The following MCC variants were observed in gnomAD, a reference collection of about 807,000 sequenced individuals.
MCC encodes the protein MCC regulator of Wnt signaling pathway.
A neutral mutation model predicts 116.2 loss-of-function variants in MCC; 90 were observed. The observed-to-expected ratio is 0.77, with a 90% confidence interval of 0.65 to 0.92. The LOEUF (loss-of-function observed/expected upper bound fraction) is 0.92, where lower values mean the gene tolerates loss of function less well. Ranked by LOEUF, MCC falls within the 40% of genes least tolerant of loss-of-function variation. MCC has a pLI of 0.00. For missense variants in MCC, 1,516 were observed against 1,312.2 expected, an observed-to-expected ratio of 1.16 and a Z score of -2.40; for synonymous variants, 578 against 510.5, an observed-to-expected ratio of 1.13 and a Z score of -1.78.
intron 5 of MCC, among the ~76,000 whole-genome samples, chr5:113,130,152 T>G (rs13190424): frequency 0.44 from 67,290 of 152,034 alleles, 17,801 homozygotes; most frequent in East Asian, 0.64. Flanking sequence ...ATACTATGCA[T>G]CCATAAAAAA....
chr5:113,407,830 T>C (rs1336310597), intron 1 of MCC, among the ~76,000 whole-genome samples: 1 of 147,744 alleles, frequency 6.8e-6, no homozygotes, highest in African/African-American at 2.4e-5. Flanking sequence ...CCTGTGTGTG[T>C]TGTTCCCCTC....
Position 113,434,263 on chromosome 5 carries a change from G to A in MCC, c.171-49051C>T. Reference sequence around the variant, plus strand: ...CTCCAGATGTCGTACACCTTGGGCTGGTAGGGAATGCCCTGCAGCACCTCT... The same window carrying A: ...CTCCAGATGTCGTACACCTTGGGCTAGTAGGGAATGCCCTGCAGCACCTCT... On this transcript the variant is annotated intron_variant, in intron 1 of 18. Coordinates refer to ENST00000408903, the MANE Select transcript of MCC (RefSeq NM_001085377.2). This position sits in a 1 kb window ranked among gnomAD's most constrained non-coding sequence, Gnocchi z 4.2. The A allele has an allele frequency of 4.3e-6, 7 of 1,614,164 alleles. No individual in the cohort carries two copies. Among genetic ancestry groups the A allele is most frequent in the Non-Finnish European group, 5.9e-6 (7 of 1,180,000 alleles).
intron 1 of MCC, among the ~76,000 whole-genome samples, chr5:113,478,630 A>G (rs1772294781): frequency 6.6e-6 from 1 of 152,222 alleles, no homozygotes; most frequent in African/African-American, 2.4e-5. Context: ...CAGTTACTGC[A>G]TATAGCTGTC....
chr5:113,110,208 T>C (rs1354371003), intron 6 of MCC, among the ~76,000 whole-genome samples: 1 of 152,202 alleles, frequency 6.6e-6, no homozygotes, highest in African/African-American at 2.4e-5. Flanking sequence ...TTATCTGTAC[T>C]GTGCCCCTTT....
chr5:113,405,482 G>GA (rs1308279540), intron 1 of MCC, among the ~76,000 whole-genome samples: 3 of 152,108 alleles, frequency 2.0e-5, no homozygotes, highest in African/African-American at 7.2e-5. Context: ...GGTTTGGTAG[G>GA]AAAAAACAGA....
chr5:113,407,439 A>G (rs1769866984), intron 1 of MCC, among the ~76,000 whole-genome samples: 1 of 152,178 alleles, frequency 6.6e-6, no homozygotes, highest in South Asian at 2.1e-4. Context: ...CTACAACTGC[A>G]TCTGCAAAAA....
At chr5:113,159,915 A>C (rs1760387987) in intron 3 of MCC, among the ~76,000 whole-genome samples, 1 of 152,248 alleles carries the variant, frequency 6.6e-6, no homozygotes, top group Non-Finnish European at 1.5e-5. Flanking sequence ...CACTGCATGG[A>C]AATCACTTTT....
chr5:113,397,264 C>G (rs540299198), intron 1 of MCC, among the ~76,000 whole-genome samples: 1 of 152,216 alleles, frequency 6.6e-6, no homozygotes, highest in South Asian at 2.1e-4. Flanking sequence ...AAGCACTCAC[C>G]AAGTCTGCCA....
chr5:113,081,212 C>G (rs897887207), intron 11 of MCC, among the ~76,000 whole-genome samples: 3 of 152,178 alleles, frequency 2.0e-5, no homozygotes, highest in African/African-American at 7.2e-5. Flanking sequence ...GTTCCCGCAG[C>G]AGCTAGGATC....
intron 3 of MCC, among the ~76,000 whole-genome samples, chr5:113,217,832 G>A (rs959150835): frequency 6.6e-6 from 1 of 151,994 alleles, no homozygotes; most frequent in African/African-American, 2.4e-5. Flanking sequence ...TCTAATCCCA[G>A]GAGACAAGAG....
chr5:113,412,985 T>TCAA (rs1271072285), intron 1 of MCC, among the ~76,000 whole-genome samples: 3 of 152,204 alleles, frequency 2.0e-5, no homozygotes, highest in African/African-American at 7.2e-5. Context: ...CATGAAGAGT[T>TCAA]GTTGAATTTT....
Position 113,439,742 on chromosome 5 carries a change from T to C in MCC, c.170+48503A>G, listed in dbSNP as rs184376796. On this transcript the variant is annotated intron_variant, in intron 1 of 18. Transcript: ENST00000408903. ...TACATTTCTAAAATAGGGACTATAA[T>C]AGTTTCTAGCTCATGGGATTGTTGC... Among the ~76,000 whole-genome samples the C allele has an allele frequency of 4.5e-4, 69 of 152,346 alleles. 1 individual carries two copies. The highest frequency in any genetic ancestry group is 3.9e-3 in the Admixed American group (60 of 15,308).
chr5:113,430,366 C>T lies in MCC; in HGVS notation c.171-45154G>A, dbSNP rs147345240. ...AAGTTCTTCCTATGTAGATAGTTGG[C>T]CTCCCTTAGTTATTTTAGGTAAGCT... On this transcript the variant is annotated intron_variant, in intron 1 of 18. Coordinates refer to ENST00000408903, the MANE Select transcript of MCC (RefSeq NM_001085377.2). Among the ~76,000 whole-genome samples the T allele has an allele frequency of 5.3e-4, 81 of 152,266 alleles. 2 individuals are homozygous for T. In the East Asian group the frequency reaches 0.015, roughly 28 times the overall value.
chr5:113,298,554 A>G (rs1026716062), intron 3 of MCC, among the ~76,000 whole-genome samples: 5 of 152,196 alleles, frequency 3.3e-5, no homozygotes, highest in African/African-American at 9.6e-5. Context: ...GCAATGTTGA[A>G]TAGAGAGTAG....
rs367728841 is a variant in MCC at position 113,093,005 on chromosome 5, C to T, written c.1399-7695G>A. ...GGGTCACTATAGAATGCTAGATGTC[C>T]TTAGACACACAGGACCAGATGTACA... On this transcript the variant is annotated intron_variant, in intron 8 of 18. Coordinates refer to ENST00000408903, the MANE Select transcript of MCC (RefSeq NM_001085377.2). Among the ~76,000 whole-genome samples, 34 of 152,254 alleles carry T rather than the reference C, an allele frequency of 2.2e-4. 1 individual carries two copies. Among genetic ancestry groups the T allele is most frequent in the African/African-American group, 7.2e-4 (30 of 41,532 alleles).
At chr5:113,124,264 A>G (rs1757906959) in intron 5 of MCC, among the ~76,000 whole-genome samples, 2 of 152,376 alleles carry the variant, frequency 1.3e-5, no homozygotes, top group East Asian at 3.9e-4. Flanking sequence ...TAGGTTTAGG[A>G]AAGAAAATGA....
chr5:113,441,700 T>G (rs546690309), intron 1 of MCC, among the ~76,000 whole-genome samples: 32 of 152,198 alleles, frequency 2.1e-4, no homozygotes, highest in Non-Finnish European at 3.7e-4. Flanking sequence ...CCCCTCCCTG[T>G]GTCCACATGT....
intron 1 of MCC, among the ~76,000 whole-genome samples, chr5:113,445,405 C>CA (rs1771180181): frequency 6.6e-6 from 1 of 152,014 alleles, no homozygotes; most frequent in African/African-American, 2.4e-5. Context: ...TTTCAGGCTA[C>CA]AAAATCAATG....
intron 16 of MCC, 148 bp downstream of exon 16, chr5:113,048,945 A>AC: frequency 1.4e-6 from 1 of 709,810 alleles, no homozygotes; most frequent in East Asian, 2.5e-5. Context: ...TCAAAATGTC[A>AC]CCTTCTTAGA....
Sources: allele counts gnomAD v4.1 joint callset (sites outside exome capture counted in the v4.1 genomes callset), GRCh38; gene constraint gnomAD v4.1.1; non-coding constraint Gnocchi (gnomAD v3.1); transcripts MANE v1.5; gene names NCBI Gene and HGNC (gene_info 2026-07-23, HGNC 2026-07-21).